Variants in GALK2 observed in about 807,000 individuals in gnomAD.
GALK2 encodes N-acetylgalactosamine kinase.
In GALK2, 36 loss-of-function variants were observed where a neutral mutation model predicts 52.4. The observed-to-expected ratio is 0.69, with a 90% CI of 0.53 to 0.91. The LOEUF (loss-of-function observed/expected upper bound fraction) is 0.91. Ranked by LOEUF, GALK2 falls within the 40% of genes least tolerant of loss-of-function variation. The probability of loss-of-function intolerance (pLI) is 0.00; values close to 1 mark genes in which losing one functional copy is unlikely to be tolerated. For missense variants in GALK2, 579 were observed against 559.1 expected, an observed-to-expected ratio of 1.04 and a Z score of -0.36; for synonymous variants, 176 against 199.1, an observed-to-expected ratio of 0.88 and a Z score of 0.98.
rs1469446783 is a variant in GALK2, at chr15:49,329,227, G to GTATC, written c.*1070_*1073dup. On this transcript the variant is annotated 3_prime_UTR_variant, in exon 10 of 10. Coordinates refer to ENST00000560031, the MANE Select transcript of GALK2 (RefSeq NM_002044.4). Reference sequence around the variant, plus strand: ...CTGGGATTTGTAATGGTATTGATGGGTATCTCTGTATGTATATCAAGAGTG... The same window carrying GTATC: ...CTGGGATTTGTAATGGTATTGATGGGTATCTATCTCTGTATGTATATCAAGAGTG... 1.0e-6 allele frequency: 1 copy of GTATC among 985,998 alleles called. No individual in the cohort carries two copies. 61.1% of individuals were successfully genotyped at this position (985,998 alleles called of 1,614,324 possible).
At chr15:49,174,626 G>C (rs577298604) in intron 1 of GALK2, among the ~76,000 whole-genome samples, 1 of 152,200 alleles carries the variant, frequency 6.6e-6, no homozygotes, top group Non-Finnish European at 1.5e-5. Context: ...TTACAGGCAT[G>C]AGCCACAGCA....
intron 3 of GALK2, among the ~76,000 whole-genome samples, chr15:49,339,416 G>A (rs963361301): frequency 5.3e-5 from 8 of 151,982 alleles, no homozygotes; most frequent in Admixed American, 3.9e-4. Flanking sequence ...CTGTAGGTCC[G>A]CCCCAGACCC....
intron 8 of GALK2, chr15:49,318,883 T>G (rs1314376151): frequency 2.3e-6 from 1 of 442,482 alleles, no homozygotes; most frequent in Non-Finnish European, 4.5e-6. Context: ...TCTTTTCTGT[T>G]AACAGGGATC....
At chr15:49,339,881 C>G (rs994668657) in intron 3 of GALK2, among the ~76,000 whole-genome samples, 11 of 152,248 alleles carry the variant, frequency 7.2e-5, no homozygotes, top group Admixed American at 6.5e-4. Context: ...GTGGGCTCCA[C>G]CCAGTTCGAA....
chr15:49,220,931 T>C (rs1002768433), intron 3 of GALK2, among the ~76,000 whole-genome samples: 1 of 152,208 alleles, frequency 6.6e-6, no homozygotes, highest in Non-Finnish European at 1.5e-5. Flanking sequence ...ATGGGATTAT[T>C]ACTAGTTTTT....
chr15:49,312,490 G>A (rs547545885), intron 8 of GALK2, among the ~76,000 whole-genome samples: 1 of 152,288 alleles, frequency 6.6e-6, no homozygotes, highest in South Asian at 2.1e-4. Flanking sequence ...ACTGAGGGCT[G>A]CACTGTTGGC....
intron 1 of GALK2, among the ~76,000 whole-genome samples, chr15:49,187,825 T>G (rs1241951736): frequency 6.6e-6 from 1 of 152,078 alleles, no homozygotes; most frequent in Non-Finnish European, 1.5e-5. Context: ...GGATGCTCCC[T>G]TCAGGGTAGT....
intron 7 of GALK2, among the ~76,000 whole-genome samples, chr15:49,290,024 CCTTCT>C (rs2033779959): frequency 6.6e-6 from 1 of 152,108 alleles, no homozygotes. Flanking sequence ...CAAAGAACTG[CCTTCT>C]CTTATTTCCC....
intron 5 of GALK2, among the ~76,000 whole-genome samples, chr15:49,250,904 A>G (rs1281015038): frequency 6.6e-6 from 1 of 152,244 alleles, no homozygotes; most frequent in African/African-American, 2.4e-5. Context: ...TTCTCAGGAT[A>G]TAGGAAAACT....
intron 5 of GALK2, among the ~76,000 whole-genome samples, chr15:49,261,870 T>G (rs1043745647): frequency 6.6e-6 from 1 of 152,084 alleles, no homozygotes; most frequent in African/African-American, 2.4e-5. Context: ...TGGATTACAT[T>G]TATTGATTTG....
intron 1 of GALK2, chr15:49,177,717 A>C (rs1478407880): frequency 5.3e-6 from 4 of 748,446 alleles, no homozygotes; most frequent in Non-Finnish European, 7.8e-6. Flanking sequence ...TTCGGCCTGC[A>C]GATGTCAGCC....
chr15:49,283,561 A>T lies in GALK2; in HGVS notation c.604-5A>T. 1 of 1,602,838 alleles carries T rather than the reference A, an allele frequency of 6.2e-7. No individual in the cohort carries two copies. The highest frequency in any genetic ancestry group is 8.5e-7 in the Non-Finnish European group (1 of 1,174,148). On this transcript the variant is annotated splice_polypyrimidine_tract_variant and splice_region_variant and intron_variant, in intron 6 of 9. Coordinates refer to ENST00000560031, the MANE Select transcript of GALK2 (RefSeq NM_002044.4). ...ATATTTCTCCTTTCATTTTTCTTCT[A>T]ACAGGCCAAGTTGATAGAATTTAGT... is the stretch of plus-strand genomic sequence containing the variant.
chr15:49,212,211 G>C (rs1484041071), intron 2 of GALK2, among the ~76,000 whole-genome samples: 1 of 152,124 alleles, frequency 6.6e-6, no homozygotes, highest in Non-Finnish European at 1.5e-5. Flanking sequence ...TCCTGCCTCA[G>C]CCTCCCGAGT....
At chr15:49,317,731 A>G (rs975842521) in intron 8 of GALK2, among the ~76,000 whole-genome samples, 3 of 152,196 alleles carry the variant, frequency 2.0e-5, no homozygotes, top group African/African-American at 2.4e-5. Context: ...ATGCAGCCAT[A>G]AAAAAGGATG....
At chr15:49,309,812 T>C (rs994509751) in intron 8 of GALK2, among the ~76,000 whole-genome samples, 13 of 151,868 alleles carry the variant, frequency 8.6e-5, no homozygotes, top group African/African-American at 2.9e-4. Flanking sequence ...TAGAGACAGG[T>C]TTCTCCATGT....
chr15:49,165,373 G>A (rs892269718), upstream of GALK2, among the ~76,000 whole-genome samples: 2 of 152,184 alleles, frequency 1.3e-5, no homozygotes, highest in African/African-American at 4.8e-5. Flanking sequence ...ACTTGCCTAG[G>A]GTCACAAAGT....
At chr15:49,195,624 T>A (rs2060828652) in intron 1 of GALK2, among the ~76,000 whole-genome samples, 1 of 152,202 alleles carries the variant, frequency 6.6e-6, no homozygotes, top group South Asian at 2.1e-4. Context: ...TCATTACTTC[T>A]CTGTGGTTTT....
intron 5 of GALK2, among the ~76,000 whole-genome samples, chr15:49,258,859 T>C (rs1228111749): frequency 2.1e-5 from 3 of 142,598 alleles, no homozygotes; most frequent in African/African-American, 8.0e-5. Flanking sequence ...AGAGAGATGG[T>C]ATCTCATTGT....
In GALK2 at chr15:49,283,601, C is replaced by A. The variant is rs771953979; in HGVS notation, c.639C>A (p.Thr213=). 1 of 1,613,608 alleles carries A rather than the reference C, an allele frequency of 6.2e-7. No homozygotes were observed. Among genetic ancestry groups the A allele is most frequent in the Non-Finnish European group, 8.5e-7 (1 of 1,179,796 alleles). The change falls in exon 7 of 10, where the codon ACC becomes ACA. Residue 213 remains threonine (T), a synonymous_variant. Transcript: ENST00000560031. ...KLIEFSPLRA[T]DVKLPSGAVF... ...TAGAATTTAGTCCTCTGAGGGCAAC[C>A]GATGTAAAACTCCCAAGTGGAGCAG...
Sources: allele counts gnomAD v4.1 joint callset (sites outside exome capture counted in the v4.1 genomes callset), GRCh38; gene constraint gnomAD v4.1.1; transcripts MANE v1.5; gene names NCBI Gene and HGNC (gene_info 2026-07-23, HGNC 2026-07-21).